RASA3: variants seen among roughly 807,000 people sequenced by gnomAD.
RASA3 encodes ras GTPase-activating protein 3.
Under a neutral mutation model 110.0 loss-of-function variants are expected in RASA3, and 73 were observed. That is an observed-to-expected ratio of 0.66 (90% CI 0.55 to 0.81). The LOEUF (loss-of-function observed/expected upper bound fraction) is 0.81, where lower values mean the gene tolerates loss of function less well. Ranked by LOEUF, RASA3 falls within the 30% of genes least tolerant of loss-of-function variation. RASA3 has a pLI of 0.00. For synonymous variants in RASA3, 500 were observed against 451.4 expected (o/e 1.11, Z -1.37); for missense variants, 976 against 1,113.2 (o/e 0.88, Z 1.75).
intron 1 of RASA3, among the ~76,000 whole-genome samples, chr13:114,103,863 C>T (rs1463094964): frequency 1.1e-5 from 1 of 90,096 alleles, no homozygotes; most frequent in South Asian, 4.1e-4. Context: ...ACACTGCCCC[C>T]GGCCACAGAC....
At chr13:114,127,372 G>T (rs2080465095) in intron 1 of RASA3, among the ~76,000 whole-genome samples, 1 of 152,206 alleles carries the variant, frequency 6.6e-6, no homozygotes, top group Non-Finnish European at 1.5e-5. Flanking sequence ...CTGAAGGCTG[G>T]ATGGGTGGCT....
chr13:114,116,843 A>T (rs1467709076), intron 1 of RASA3, among the ~76,000 whole-genome samples: 9 of 103,774 alleles, frequency 8.7e-5, no homozygotes, highest in African/African-American at 1.6e-4. Context: ...GGGGTGCATC[A>T]GTGTGGGTGT....
chr13:114,129,031 A>G (rs568168187), intron 1 of RASA3, among the ~76,000 whole-genome samples: 2 of 152,164 alleles, frequency 1.3e-5, no homozygotes, highest in Admixed American at 1.3e-4. Context: ...AGCAGTAAGT[A>G]TTGTGGAAAC....
At chr13:114,016,538 G>A (rs1299759359) in intron 12 of RASA3, among the ~76,000 whole-genome samples, 1 of 152,184 alleles carries the variant, frequency 6.6e-6, no homozygotes, top group Non-Finnish European at 1.5e-5. Flanking sequence ...CAAGTGAGAG[G>A]TCAGGCGCAA....
At chr13:114,064,224 G>A (rs915726329) in intron 2 of RASA3, among the ~76,000 whole-genome samples, 47 of 152,332 alleles carry the variant, frequency 3.1e-4, no homozygotes, top group Non-Finnish European at 3.8e-4. Flanking sequence ...CAGAGGCTGC[G>A]AGGCCAGCCA....
At chr13:114,103,257 G>GACCC (rs2080082637) in intron 1 of RASA3, among the ~76,000 whole-genome samples, 1 of 152,138 alleles carries the variant, frequency 6.6e-6, no homozygotes, top group Non-Finnish European at 1.5e-5. Flanking sequence ...CAAGTCGGGA[G>GACCC]AGATGCCCAA....
chr13:114,030,429 GGGC>G (rs2054131503), intron 4 of RASA3, among the ~76,000 whole-genome samples: 1 of 68,896 alleles, frequency 1.5e-5, no homozygotes, highest in African/African-American at 4.2e-5. Context: ...CTCACACAGA[GGGC>G]AAGGCTCACA....
chr13:114,131,261 C>G (rs1024204025), intron 1 of RASA3, among the ~76,000 whole-genome samples: 1 of 152,172 alleles, frequency 6.6e-6, no homozygotes, highest in African/African-American at 2.4e-5. Context: ...CCGGAGGCCT[C>G]TTCACACGGG....
At chr13:113,988,841 T>C (rs1274676806) in intron 22 of RASA3, among the ~76,000 whole-genome samples, 1 of 117,392 alleles carries the variant, frequency 8.5e-6, no homozygotes. Context: ...ACTCGTCCAT[T>C]GCTCCATCCA....
intron 12 of RASA3, 63 bp from the exon 13 acceptor site, chr13:114,016,334 G>T: frequency 7.9e-7 from 1 of 1,267,900 alleles, no homozygotes; most frequent in Non-Finnish European, 1.2e-6. Context: ...AGGGAGGGTG[G>T]AAGGGGTCTC....
chr13:114,028,314 T>TAAAACAGCATCATCTGGAGGCCAGAAC (rs1566498447), intron 5 of RASA3, among the ~76,000 whole-genome samples: 2 of 29,432 alleles, frequency 6.8e-5, no homozygotes, highest in Non-Finnish European at 1.3e-4. Flanking sequence ...GGAGCCAGGA[T>TAAAACAGCATCATCTGGAGGCCAGAAC]CTCTAAAACA....
At chr13:114,002,106 A>G (rs1040702013) in intron 18 of RASA3, among the ~76,000 whole-genome samples, 1 of 152,220 alleles carries the variant, frequency 6.6e-6, no homozygotes, top group African/African-American at 2.4e-5. Flanking sequence ...CTGGAGGAGA[A>G]GAAAGTGGCC....
At chr13:114,027,742 G>A (rs2054053688) in intron 6 of RASA3, 105 bp downstream of exon 6, 6 of 1,201,858 alleles carry the variant, frequency 5.0e-6, no homozygotes, top group African/African-American at 1.5e-5. Context: ...ACCTCAAAGC[G>A]CAACCTCCTG....
intron 22 of RASA3, among the ~76,000 whole-genome samples, chr13:113,990,057 C>A (rs560151900): frequency 6.6e-6 from 1 of 152,008 alleles, no homozygotes; most frequent in Non-Finnish European, 1.5e-5. Context: ...GTTGTTTGGA[C>A]GTGTGTGGCA....
intron 2 of RASA3, among the ~76,000 whole-genome samples, chr13:114,054,144 TA>T (rs1452353066): frequency 1.3e-5 from 2 of 151,526 alleles, no homozygotes; most frequent in Admixed American, 1.3e-4. Context: ...TAATAAAAAT[TA>T]AAAAAATAAA....
intron 3 of RASA3, among the ~76,000 whole-genome samples, chr13:114,041,887 A>G (rs2054417149): frequency 6.6e-6 from 1 of 150,800 alleles, no homozygotes; most frequent in South Asian, 2.1e-4. Context: ...CTCCAGACGG[A>G]GGAGAACAGA....
chr13:113,998,087 C>T (rs375803762), intron 20 of RASA3, among the ~76,000 whole-genome samples: 3 of 152,296 alleles, frequency 2.0e-5, no homozygotes, highest in East Asian at 3.9e-4. Context: ...TGGGAATGAA[C>T]AGCTGGGAAC....
At position 114,030,507 on chromosome 13, in the gene RASA3, GACTCACACA is replaced by G. The variant is rs1566501973; in HGVS notation, c.373-629_373-621del. On this transcript the variant is annotated intron_variant, in intron 4 of 23. Coordinates refer to ENST00000334062, the MANE Select transcript of RASA3 (RefSeq NM_007368.4). ...AGGGCAAGACTCACACAGAGGGCAA[GACTCACACA>G]GAGAGCAAGACTCACACAGAGGGCA... is the stretch of plus-strand genomic sequence containing the variant. 8.1e-4 allele frequency among the ~76,000 whole-genome samples: 95 copies of G among 117,832 alleles called. 5 individuals carry two copies. The highest frequency in any genetic ancestry group is 2.7e-3 in the African/African-American group (91 of 33,734). The allele number at this position is 117,832 out of a possible 152,430, so 77.3% of individuals were successfully genotyped here. A position where few individuals can be genotyped will look rare whatever the true frequency, so the allele number is the denominator to read the frequency against.
chr13:114,120,932 A>G (rs1005781864), intron 1 of RASA3, among the ~76,000 whole-genome samples: 1 of 152,216 alleles, frequency 6.6e-6, no homozygotes, highest in East Asian at 1.9e-4. Flanking sequence ...TCTCATTTGA[A>G]TTCCAGTGTG....
Sources: allele counts gnomAD v4.1 joint callset (sites outside exome capture counted in the v4.1 genomes callset), GRCh38; gene constraint gnomAD v4.1.1; transcripts MANE v1.5; gene names NCBI Gene and HGNC (gene_info 2026-07-23, HGNC 2026-07-21).